The following AFF3 variants were observed in gnomAD, a reference collection of about 807,000 sequenced individuals.
AFF3 encodes AF4/FMR2 family member 3.
Under a neutral mutation model 129.7 loss-of-function variants are expected in AFF3, and 32 were observed. The ratio of observed to expected loss-of-function variants is 0.25; its 90% CI spans 0.19 to 0.33. The LOEUF (loss-of-function observed/expected upper bound fraction) is 0.33. AFF3 is among the 10% of genes least tolerant of loss of function. AFF3 has a pLI of 1.00. For synonymous variants in AFF3, 644 were observed against 635.4 expected (o/e 1.01, Z -0.20); for missense variants, 1,373 against 1,592.0 (o/e 0.86, Z 2.34).
chr2:99,819,596 T>A (rs1025468221), intron 8 of AFF3, among the ~76,000 whole-genome samples: 10 of 152,272 alleles, frequency 6.6e-5, no homozygotes, highest in African/African-American at 2.4e-4. Context: ...TTCACTAAGA[T>A]GTGCGTATTC....
At position 99,700,303 on chromosome 2, in the gene AFF3, T is replaced by C. The variant is rs539955966; in HGVS notation, c.1091+26774A>G. ...GCCCGGCTAATTTTTGTATTTTTGA[T>C]AGAGACAGGGTTTCACCATCTTGGC... On this transcript the variant is annotated intron_variant, in intron 11 of 24. Transcript: ENST00000672756. 1.3e-4 allele frequency among the ~76,000 whole-genome samples: 20 copies of C among 152,266 alleles called. No homozygotes were observed. In the South Asian group the frequency reaches 3.9e-3, roughly 30 times the overall value.
intron 3 of AFF3, chr2:100,105,154 C>G: frequency 3.6e-6 from 1 of 274,136 alleles, no homozygotes; most frequent in Non-Finnish European, 5.6e-6. Flanking sequence ...GGCCGCCCGC[C>G]CGCGCCCGGC....
At chr2:99,770,078 G>C (rs1683347885) in intron 8 of AFF3, among the ~76,000 whole-genome samples, 1 of 152,214 alleles carries the variant, frequency 6.6e-6, no homozygotes, top group Admixed American at 6.5e-5. Context: ...CTTCAGGGCA[G>C]CGAGTTCCCC....
At chr2:99,605,483 A>C in intron 13 of AFF3, among the ~76,000 whole-genome samples, 1 of 152,210 alleles carries the variant, frequency 6.6e-6, no homozygotes, top group East Asian at 1.9e-4. Flanking sequence ...CAACTCCTCT[A>C]ACCCATCCTT....
chr2:99,719,600 T>C (rs1678704665), intron 11 of AFF3, among the ~76,000 whole-genome samples: 1 of 152,236 alleles, frequency 6.6e-6, no homozygotes, highest in African/African-American at 2.4e-5. Context: ...CCAGTGACCT[T>C]TTGAGTATTA....
intron 4 of AFF3, among the ~76,000 whole-genome samples, chr2:100,052,573 C>T (rs1268706209): frequency 1.3e-5 from 2 of 152,150 alleles, no homozygotes; most frequent in Non-Finnish European, 2.9e-5. Context: ...TCCTTGTCCC[C>T]ACTCTATGTG....
intron 20 of AFF3, among the ~76,000 whole-genome samples, chr2:99,564,034 G>A (rs1025228482): frequency 3.3e-5 from 5 of 152,190 alleles, no homozygotes; most frequent in Admixed American, 6.5e-5. Flanking sequence ...TTTTTTGTTT[G>A]TTTGGGCTTG....
intron 2 of AFF3, chr2:100,106,837 T>G: frequency 1.0e-6 from 1 of 985,436 alleles, no homozygotes; most frequent in Non-Finnish European, 1.2e-6. Context: ...GCCCTCACCA[T>G]GGAGGCTGAA....
intron 13 of AFF3, among the ~76,000 whole-genome samples, chr2:99,605,775 T>C (rs978289582): frequency 2.6e-5 from 4 of 152,266 alleles, no homozygotes; most frequent in African/African-American, 9.6e-5. Context: ...CTCGAACTCC[T>C]GGGCTCAAGC....
intron 10 of AFF3, among the ~76,000 whole-genome samples, chr2:99,729,609 A>G (rs1679643419): frequency 6.6e-6 from 1 of 152,164 alleles, no homozygotes; most frequent in Admixed American, 6.5e-5. Flanking sequence ...GAAATTTCTG[A>G]AGTTAACTTG....
At chr2:99,785,190 C>T (rs1226913696) in intron 8 of AFF3, among the ~76,000 whole-genome samples, 3 of 152,142 alleles carry the variant, frequency 2.0e-5, no homozygotes, top group East Asian at 3.9e-4. Flanking sequence ...TGTTCTTAAT[C>T]GAACTCTGGC....
intron 18 of AFF3, among the ~76,000 whole-genome samples, chr2:99,570,219 T>C (rs923055428): frequency 3.3e-5 from 5 of 152,238 alleles, no homozygotes; most frequent in African/African-American, 1.2e-4. Flanking sequence ...GCTTTCTCCA[T>C]ATGAATGGCT....
intron 18 of AFF3, among the ~76,000 whole-genome samples, chr2:99,573,197 G>A (rs1441009331): frequency 6.6e-6 from 1 of 152,156 alleles, no homozygotes; most frequent in African/African-American, 2.4e-5. Flanking sequence ...CAATCCAGGA[G>A]ATCTGAATGT....
chr2:99,834,454 T>C (rs999419323), intron 8 of AFF3, among the ~76,000 whole-genome samples: 22 of 152,170 alleles, frequency 1.4e-4, no homozygotes, highest in African/African-American at 5.1e-4. Context: ...TGGTGGTTGT[T>C]ATTGTATGAG....
chr2:99,853,718 C>T (rs1690315193), intron 7 of AFF3, among the ~76,000 whole-genome samples: 1 of 152,300 alleles, frequency 6.6e-6, no homozygotes, highest in East Asian at 1.9e-4. Flanking sequence ...ACTGTGGGAG[C>T]CACGTCTGTG....
rs540109893 is a variant in AFF3, at chr2:99,552,499, T to C, written c.3560-904A>G. On this transcript the variant is annotated intron_variant, in intron 24 of 24. Coordinates refer to ENST00000672756, the MANE Select transcript of AFF3 (RefSeq NM_001386135.1). ...GGGCTCTGCTGTCTCAAAATCACAG[T>C]TTAGTGGCTGATAGAGGAAAACACA... 2.9e-4 allele frequency among the ~76,000 whole-genome samples: 44 copies of C among 152,208 alleles called. 1 individual carries two copies. The highest frequency in any genetic ancestry group is 9.6e-4 in the African/African-American group (40 of 41,516).
At chr2:99,637,422 C>CT (rs1683767291) in intron 13 of AFF3, among the ~76,000 whole-genome samples, 1 of 152,316 alleles carries the variant, frequency 6.6e-6, no homozygotes, top group Non-Finnish European at 1.5e-5. Flanking sequence ...TGAAATGCAT[C>CT]TTTTTTGAAT....
chr2:100,134,249 A>G (rs75559776), intron 1 of AFF3, among the ~76,000 whole-genome samples: 2,813 of 152,322 alleles, frequency 0.018, 105 homozygotes, highest in African/African-American at 0.064. Flanking sequence ...TAAGCCTTGT[A>G]TAAAAATATG....
At chr2:99,965,400 T>G (rs751701828) in intron 7 of AFF3, among the ~76,000 whole-genome samples, 1 of 152,184 alleles carries the variant, frequency 6.6e-6, no homozygotes, top group South Asian at 2.1e-4. Flanking sequence ...AAACACAAAA[T>G]TGTATTCATT....
Sources: allele counts gnomAD v4.1 joint callset (sites outside exome capture counted in the v4.1 genomes callset), GRCh38; gene constraint gnomAD v4.1.1; transcripts MANE v1.5; gene names NCBI Gene and HGNC (gene_info 2026-07-23, HGNC 2026-07-21).